NR1H3: variants seen among roughly 807,000 people sequenced by gnomAD.
The protein encoded by NR1H3 is oxysterols receptor LXR-alpha.
Under a neutral mutation model 48.1 loss-of-function variants are expected in NR1H3, and 19 were observed. That is an observed-to-expected ratio of 0.40 (90% confidence interval 0.28 to 0.58). The LOEUF (loss-of-function observed/expected upper bound fraction) is 0.58, where lower values mean the gene tolerates loss of function less well. NR1H3 is among the 20% of genes least tolerant of loss of function. NR1H3 has a pLI of 0.50. For missense variants in NR1H3, 486 were observed against 595.9 expected (o/e 0.82, Z 1.92); for synonymous variants, 232 against 227.3 (o/e 1.02, Z -0.19).
exon 1 of NR1H3, chr11:47,248,955 G>A: frequency 6.5e-7 from 1 of 1,528,922 alleles, no homozygotes. Flanking sequence ...GTGGGATTGC[G>A]TGCAGGAGGG....
upstream of NR1H3, among the ~76,000 whole-genome samples, chr11:47,256,037 C>G (rs765304877): frequency 2.0e-5 from 3 of 151,738 alleles, no homozygotes; most frequent in Non-Finnish European, 4.4e-5. Flanking sequence ...TTTTATTTAT[C>G]TTTCTTTCTT....
At chr11:47,268,500 G>A (rs1271868838) in intron 9 of NR1H3, 50 bp from the exon 10 acceptor site, 2 of 1,611,600 alleles carry the variant, frequency 1.2e-6, no homozygotes, top group Non-Finnish European at 1.7e-6. Flanking sequence ...CTCTTGCCCC[G>A]CTTCCCTGGG....
upstream of NR1H3, among the ~76,000 whole-genome samples, chr11:47,256,673 G>A (rs2135592496): frequency 6.8e-6 from 1 of 147,622 alleles, no homozygotes; most frequent in Non-Finnish European, 1.5e-5. Context: ...AAAAAAAAAG[G>A]AATAATAAAA....
chr11:47,258,667 G>C (rs1454039338), intron 1 of NR1H3: 1 of 155,110 alleles, frequency 6.4e-6, no homozygotes, highest in Admixed American at 6.3e-5. Context: ...TTTAAGAATA[G>C]TCCTGAGCCA....
intron 2 of NR1H3, 102 bp from the exon 3 acceptor site, chr11:47,259,689 C>A: frequency 6.3e-7 from 1 of 1,577,014 alleles, no homozygotes; most frequent in Non-Finnish European, 8.6e-7. Flanking sequence ...CTTTGCTGCC[C>A]TCTAAGGGTG....
rs372246281 is a variant in NR1H3 at position 47,259,819 on chromosome 11, C to T, written c.72C>T (p.Gly24=). 19 of 1,612,112 alleles carry T rather than the reference C, an allele frequency of 1.2e-5. No individual in the cohort carries two copies. The highest frequency in any genetic ancestry group is 2.2e-4 in the Middle Eastern group (1 of 4,588). ...CTGCGGTGGAGCTGTGGAAGCCAGGCGCACAGGATGCAAGCAGCCAGGCCC... is the reference window on the plus strand; with the variant it reads ...CTGCGGTGGAGCTGTGGAAGCCAGGTGCACAGGATGCAAGCAGCCAGGCCC... ...PDSAVELWKP[G]AQDASSQAQG... Residue 24 remains glycine (G), a synonymous_variant, in exon 3 of 10, where the codon GGC becomes GGT. Transcript: ENST00000441012.
At chr11:47,250,487 T>C (rs1183229329) in intron 1 of NR1H3, 1 of 152,194 alleles carries the variant, frequency 6.6e-6, no homozygotes, top group Non-Finnish European at 1.5e-5. Flanking sequence ...CAATTATTTA[T>C]ATATACTTCA....
chr11:47,260,806 C>A, intron 4 of NR1H3, 131 bp downstream of exon 4: 1 of 1,236,864 alleles, frequency 8.1e-7, no homozygotes. Flanking sequence ...CTTTCTTGAC[C>A]GGGCGCGGTG....
chr11:47,264,319 TAACTC>T (rs1258096251), intron 7 of NR1H3, among the ~76,000 whole-genome samples: 1 of 152,218 alleles, frequency 6.6e-6, no homozygotes, highest in African/African-American at 2.4e-5. Flanking sequence ...TGGTTTCTGA[TAACTC>T]AGGCCAGCTC....
At position 47,268,600 on chromosome 11, in the gene NR1H3, C is replaced by A; in HGVS notation, c.1248C>A (p.Thr416=). 6.2e-7 allele frequency: 1 copy of A among 1,614,164 alleles called. No individual in the cohort carries two copies. The highest frequency in any genetic ancestry group is 8.5e-7 in the Non-Finnish European group (1 of 1,180,004). The change falls in exon 10 of 10, where the codon ACC becomes ACA. Residue 416 remains threonine, a synonymous_variant. Coordinates refer to ENST00000441012, the MANE Select transcript of NR1H3 (RefSeq NM_005693.4). ...RMLMKLVSLR[T]LSSVHSEQVF... is the part of the protein sequence containing the mutation. ...TAATGAAACTGGTGAGCCTCCGGAC[C>A]CTGAGCAGCGTCCACTCAGAGCAAG...
intron 1 of NR1H3, among the ~76,000 whole-genome samples, chr11:47,251,960 C>G (rs1237930372): frequency 6.6e-6 from 1 of 151,766 alleles, no homozygotes; most frequent in Non-Finnish European, 1.5e-5. Flanking sequence ...GAGCCTGAAG[C>G]TGAGCCCTAG....
chr11:47,249,921 G>A (rs188052478), intron 1 of NR1H3, among the ~76,000 whole-genome samples: 11 of 148,210 alleles, frequency 7.4e-5, no homozygotes, highest in Non-Finnish European at 1.3e-4. Context: ...GCGAAACCCC[G>A]TCTCTACTAA....
chr11:47,267,982 A>C lies in NR1H3; in HGVS notation c.1058A>C (p.Asp353Ala), dbSNP rs1296965109. The change falls in exon 8 of 10, where the codon GAT (aspartate) becomes GCT (alanine). Residue 353 changes from aspartate to alanine, a missense_variant. Transcript: ENST00000441012. Reference sequence around the variant, plus strand: ...GCCATGAATGAGCTGCAACTCAATGATGCCGAGTTTGCCTTGCTCATTGCT... The same window carrying C: ...GCCATGAATGAGCTGCAACTCAATGCTGCCGAGTTTGCCTTGCTCATTGCT... ...SRAMNELQLN[D>A]AEFALLIAIS... The C allele has an allele frequency of 6.2e-7, 1 of 1,614,010 alleles. No homozygotes were observed.
At chr11:47,258,285 A>AT in intron 1 of NR1H3, 156 bp downstream of exon 1, 2 of 807,608 alleles carry the variant, frequency 2.5e-6, no homozygotes, top group Non-Finnish European at 3.0e-6. Context: ...GGGTCCCAGA[A>AT]TAACTCATGA....
In NR1H3 at chr11:47,259,831, A is replaced by C. The variant is rs1955641353; in HGVS notation, c.84A>C (p.Ala28=). The C allele has an allele frequency of 6.2e-7, 1 of 1,612,292 alleles. No individual in the cohort carries two copies. Among genetic ancestry groups the C allele is most frequent in the South Asian group, 1.1e-5 (1 of 91,018 alleles). The change falls in exon 3 of 10, where the codon GCA becomes GCC. Residue 28 remains alanine (A), a synonymous_variant. Coordinates refer to ENST00000441012, the MANE Select transcript of NR1H3 (RefSeq NM_005693.4). ...TGTGGAAGCCAGGCGCACAGGATGCAAGCAGCCAGGCCCAGGGAGGCAGCA... is the reference window on the plus strand; with the variant it reads ...TGTGGAAGCCAGGCGCACAGGATGCCAGCAGCCAGGCCCAGGGAGGCAGCA... ...VELWKPGAQD[A]SSQAQGGSSC...
chr11:47,256,320 C>T (rs1267526631), upstream of NR1H3, among the ~76,000 whole-genome samples: 4 of 152,190 alleles, frequency 2.6e-5, no homozygotes, highest in Non-Finnish European at 4.4e-5. Context: ...GGATTACAGG[C>T]GTGAGCCACC....
upstream of NR1H3, chr11:47,257,689 G>A: frequency 1.0e-6 from 1 of 985,778 alleles, no homozygotes; most frequent in Non-Finnish European, 1.2e-6. Context: ...ATTGGGGTGG[G>A]GGTTCCTGGG....
chr11:47,258,340 TGGA>T, intron 1 of NR1H3: 1 of 350,654 alleles, frequency 2.9e-6, no homozygotes, highest in Non-Finnish European at 4.0e-6. Flanking sequence ...GGGAGATTCT[TGGA>T]GACAGGTTTG....
At chr11:47,260,213 G>A (rs1031796574) in intron 3 of NR1H3, among the ~76,000 whole-genome samples, 196 bp from the exon 4 acceptor site, 2 of 152,204 alleles carry the variant, frequency 1.3e-5, no homozygotes, top group Admixed American at 1.3e-4. Context: ...AAGGATCAGT[G>A]CATATAAAAG....
Sources: gnomAD v4.1 joint callset for allele counts (sites outside exome capture counted in the v4.1 genomes callset) on GRCh38, gnomAD v4.1.1 for gene constraint, MANE v1.5 for transcripts, NCBI Gene and HGNC (gene_info 2026-07-23, HGNC 2026-07-21) for gene names.